GTF2E2: variants seen among roughly 807,000 people sequenced by gnomAD.
GTF2E2 encodes transcription initiation factor IIE subunit beta.
In GTF2E2, 21 loss-of-function variants were observed where a neutral mutation model predicts 40.5. That is an observed-to-expected ratio of 0.52 (90% CI 0.37 to 0.75). The LOEUF (loss-of-function observed/expected upper bound fraction) is 0.75, where lower values mean the gene tolerates loss of function less well. Ranked by LOEUF, GTF2E2 falls within the 30% of genes least tolerant of loss-of-function variation. The probability of loss-of-function intolerance (pLI) is 0.00; values close to 1 mark genes in which losing one functional copy is unlikely to be tolerated. For missense variants in GTF2E2, 298 were observed against 338.4 expected (o/e 0.88, Z 0.94); for synonymous variants, 117 against 121.6 (o/e 0.96, Z 0.25).
intron 6 of GTF2E2, among the ~76,000 whole-genome samples, chr8:30,582,694 T>C (rs1563470902): frequency 6.6e-6 from 1 of 152,188 alleles, no homozygotes. Context: ...TATTTCCTCA[T>C]TACTAGATTG....
intron 2 of GTF2E2, among the ~76,000 whole-genome samples, chr8:30,650,407 C>A (rs972743787): frequency 2.0e-5 from 3 of 151,688 alleles, no homozygotes; most frequent in African/African-American, 7.3e-5. Flanking sequence ...TAAAAACTCT[C>A]AGTCAGATGC....
chr8:30,650,882 T>C (rs956830436), intron 2 of GTF2E2, among the ~76,000 whole-genome samples: 5 of 151,964 alleles, frequency 3.3e-5, no homozygotes, highest in Non-Finnish European at 7.4e-5. Flanking sequence ...GCCATGGCGA[T>C]GGGTGCCTGT....
intron 1 of GTF2E2, among the ~76,000 whole-genome samples, chr8:30,655,369 C>G (rs1265872562): frequency 6.6e-6 from 1 of 152,160 alleles, no homozygotes; most frequent in African/African-American, 2.4e-5. Context: ...CACCTCTCTT[C>G]TGAACTCTGC....
At chr8:30,655,060 T>A (rs1342123932) in intron 1 of GTF2E2, among the ~76,000 whole-genome samples, 4 of 151,886 alleles carry the variant, frequency 2.6e-5, no homozygotes, top group Admixed American at 2.6e-4. Flanking sequence ...AATTAGCCAG[T>A]CATAGTGACA....
chr8:30,611,602 A>C (rs945102246), intron 5 of GTF2E2, among the ~76,000 whole-genome samples: 3 of 152,218 alleles, frequency 2.0e-5, no homozygotes, highest in African/African-American at 7.2e-5. Flanking sequence ...AAGTGAGTGA[A>C]CTTGACAATG....
At chr8:30,643,127 A>C (rs191556647) in intron 2 of GTF2E2, among the ~76,000 whole-genome samples, 379 of 152,298 alleles carry the variant, frequency 2.5e-3, no homozygotes, top group Non-Finnish European at 4.4e-3. Flanking sequence ...ATCAACCCCA[A>C]AGATTTTATT....
intron 3 of GTF2E2, among the ~76,000 whole-genome samples, chr8:30,630,853 C>A (rs2978269): frequency 0.81 from 123,021 of 152,084 alleles, 50,583 homozygotes; most frequent in African/African-American, 0.93. Flanking sequence ...ACATTCTAAT[C>A]TATCATAATC....
intron 2 of GTF2E2, among the ~76,000 whole-genome samples, chr8:30,648,686 C>T (rs1224593915): frequency 6.6e-6 from 1 of 152,228 alleles, no homozygotes; most frequent in African/African-American, 2.4e-5. Context: ...GTTAGTTTTC[C>T]TGCTAGCACA....
chr8:30,653,154 A>G (rs942172321), intron 2 of GTF2E2, among the ~76,000 whole-genome samples: 45 of 152,246 alleles, frequency 3.0e-4, no homozygotes, highest in Admixed American at 1.1e-3. Flanking sequence ...CTGTAAATTT[A>G]CCAAACATCT....
chr8:30,643,713 T>C (rs1000259393), intron 2 of GTF2E2: 2 of 149,794 alleles, frequency 1.3e-5, no homozygotes, highest in African/African-American at 2.5e-5. Flanking sequence ...CTTCAGATCA[T>C]ACAAATCTCT....
chr8:30,614,721 A>G lies in GTF2E2; in HGVS notation c.259-6T>C. On this transcript the variant is annotated splice_region_variant and splice_polypyrimidine_tract_variant and intron_variant, in intron 3 of 7. Transcript: ENST00000355904. Reference sequence around the variant, plus strand: ...TCTCCTCGCTGATGCCGTGTCTATCAAGTGAAGAAATTGTTATTAGAAGAC... The same window carrying G: ...TCTCCTCGCTGATGCCGTGTCTATCGAGTGAAGAAATTGTTATTAGAAGAC... The G allele has an allele frequency of 6.5e-7, 1 of 1,532,872 alleles. No individual in the cohort carries two copies. Among genetic ancestry groups the G allele is most frequent in the Non-Finnish European group, 9.0e-7 (1 of 1,111,684 alleles). The allele number at this position is 1,532,872 out of a possible 1,614,324, so 95.0% of individuals were successfully genotyped here.
intron 2 of GTF2E2, among the ~76,000 whole-genome samples, chr8:30,644,332 TTA>T (rs2128727641): frequency 6.6e-6 from 1 of 152,298 alleles, no homozygotes; most frequent in Non-Finnish European, 1.5e-5. Context: ...TTTTAAATAT[TTA>T]TGTCTATGGG....
At chr8:30,606,695 C>T (rs1829323712) in intron 6 of GTF2E2, among the ~76,000 whole-genome samples, 1 of 152,144 alleles carries the variant, frequency 6.6e-6, no homozygotes, top group South Asian at 2.1e-4. Flanking sequence ...CACTATTCAC[C>T]AATAAAAGTT....
At chr8:30,619,852 G>A (rs1453780222) in intron 3 of GTF2E2, among the ~76,000 whole-genome samples, 1 of 151,992 alleles carries the variant, frequency 6.6e-6, no homozygotes, top group African/African-American at 2.4e-5. Context: ...GTGTTACCTT[G>A]CATGACAAAA....
In GTF2E2 at chr8:30,583,837, G is replaced by A. The variant is rs556273347; in HGVS notation, c.644-3441C>T. Reference sequence around the variant, plus strand: ...TTTATTTATTTTGAGATGGAGTCTCGCACTGTCACCCAGGCTGGAGTGCAG... The same window carrying A: ...TTTATTTATTTTGAGATGGAGTCTCACACTGTCACCCAGGCTGGAGTGCAG... On this transcript the variant is annotated intron_variant, in intron 6 of 7. Coordinates refer to ENST00000355904, the MANE Select transcript of GTF2E2 (RefSeq NM_002095.6). Among the ~76,000 whole-genome samples, 268 of 150,582 alleles carry A rather than the reference G, an allele frequency of 1.8e-3. 14 individuals are homozygous for A. In the South Asian group the frequency reaches 0.045, roughly 26 times the overall value.
intron 2 of GTF2E2, among the ~76,000 whole-genome samples, chr8:30,640,508 A>C (rs1375686384): frequency 6.6e-6 from 1 of 152,222 alleles, no homozygotes; most frequent in Non-Finnish European, 1.5e-5. Flanking sequence ...TATGTGATTT[A>C]CTTTAAAGCT....
intron 3 of GTF2E2, among the ~76,000 whole-genome samples, chr8:30,625,325 C>T (rs950319929): frequency 3.9e-5 from 6 of 152,004 alleles, no homozygotes; most frequent in South Asian, 2.1e-4. Context: ...TATTGACTTG[C>T]GTATGTTGAA....
chr8:30,636,553 T>G (rs1801604340), intron 2 of GTF2E2, among the ~76,000 whole-genome samples: 2 of 152,232 alleles, frequency 1.3e-5, no homozygotes, highest in Admixed American at 1.3e-4. Context: ...TTTGTTACAA[T>G]CTTAATTAAT....
intron 6 of GTF2E2, among the ~76,000 whole-genome samples, chr8:30,601,867 T>C (rs1829190226): frequency 6.6e-6 from 1 of 152,256 alleles, no homozygotes; most frequent in African/African-American, 2.4e-5. Flanking sequence ...AGACCAGTTA[T>C]GACATCTAAG....
Sources: allele counts gnomAD v4.1 joint callset (sites outside exome capture counted in the v4.1 genomes callset), GRCh38; gene constraint gnomAD v4.1.1; transcripts MANE v1.5; gene names NCBI Gene and HGNC (gene_info 2026-07-23, HGNC 2026-07-21).